The following SLC8A1 variants were observed in gnomAD, a reference collection of about 807,000 sequenced individuals.
SLC8A1 encodes the protein solute carrier family 8 member A1.
Under a neutral mutation model 68.3 loss-of-function variants are expected in SLC8A1, and 18 were observed. The observed-to-expected ratio is 0.26, with a 90% CI of 0.18 to 0.39. The LOEUF (loss-of-function observed/expected upper bound fraction) is 0.39. SLC8A1 is among the 10% of genes least tolerant of loss of function. SLC8A1 has a pLI of 1.00. For missense variants in SLC8A1, 985 were observed against 1,156.7 expected, an observed-to-expected ratio of 0.85 and a Z score of 2.15; for synonymous variants, 475 against 415.5, an observed-to-expected ratio of 1.14 and a Z score of -1.74.
intron 1 of SLC8A1, among the ~76,000 whole-genome samples, chr2:40,430,656 A>G (rs910092429): frequency 2.6e-5 from 4 of 152,232 alleles, no homozygotes; most frequent in Non-Finnish European, 5.9e-5. Flanking sequence ...ATGCATGCTA[A>G]TAGCCAAAAT....
chr2:40,340,519 C>T (rs1194380302), intron 2 of SLC8A1, among the ~76,000 whole-genome samples: 3 of 152,130 alleles, frequency 2.0e-5, no homozygotes, highest in South Asian at 2.1e-4. Flanking sequence ...TGAGATCGTG[C>T]GACTGCACTC....
chr2:40,498,987 A>G (rs1705884946), intron 1 of SLC8A1, among the ~76,000 whole-genome samples: 5 of 152,100 alleles, frequency 3.3e-5, no homozygotes, highest in Non-Finnish European at 7.4e-5. Flanking sequence ...TTCAAAGAAA[A>G]ACCTTCAGGC....
At chr2:40,416,273 A>C (rs1198928615) in intron 2 of SLC8A1, among the ~76,000 whole-genome samples, 1 of 152,166 alleles carries the variant, frequency 6.6e-6, no homozygotes, top group Admixed American at 6.5e-5. Context: ...ATAAGACACT[A>C]AAACAAATTT....
rs1363130588 is a variant in SLC8A1 at position 40,160,726 on chromosome 2, GGCAATTTTAATTTATAATAT to G, written c.2161+19_2161+38del. The G allele has an allele frequency of 3.2e-6, 5 of 1,574,898 alleles. No individual in the cohort carries two copies. The highest frequency in any genetic ancestry group is 4.4e-6 in the Non-Finnish European group (5 of 1,144,838). On this transcript the variant is annotated intron_variant, in intron 6 of 7. Transcript: ENST00000406785. Reference sequence around the variant, plus strand: ...CAGTAGGAAAACTCAGCTCAGATTGGGCAATTTTAATTTATAATATGCAGAGAAAGGCACTCACCAGCACT... The same window carrying G: ...CAGTAGGAAAACTCAGCTCAGATTGGGCAGAGAAAGGCACTCACCAGCACT...
chr2:40,328,233 T>C (rs1053412182), intron 2 of SLC8A1, among the ~76,000 whole-genome samples: 11 of 152,202 alleles, frequency 7.2e-5, no homozygotes, highest in African/African-American at 4.8e-5. Flanking sequence ...CACTATGTGA[T>C]TAAATTTAAT....
chr2:40,329,297 T>G (rs1345345463), intron 2 of SLC8A1, among the ~76,000 whole-genome samples: 1 of 152,204 alleles, frequency 6.6e-6, no homozygotes, highest in Non-Finnish European at 1.5e-5. Flanking sequence ...TGAAGTACTA[T>G]TAACTTCCTG....
chr2:40,384,434 T>C (rs1021093474), intron 2 of SLC8A1, among the ~76,000 whole-genome samples: 1 of 152,070 alleles, frequency 6.6e-6, no homozygotes, highest in African/African-American at 2.4e-5. Flanking sequence ...CCTTGCATCA[T>C]GAATCATGGG....
At chr2:40,481,030 T>C (rs1704593417) in intron 1 of SLC8A1, among the ~76,000 whole-genome samples, 1 of 152,212 alleles carries the variant, frequency 6.6e-6, no homozygotes, top group Non-Finnish European at 1.5e-5. Flanking sequence ...AGTATATTAT[T>C]TGACCTTAGA....
At chr2:40,473,227 GA>G (rs1286886856) in intron 1 of SLC8A1, among the ~76,000 whole-genome samples, 1 of 152,112 alleles carries the variant, frequency 6.6e-6, no homozygotes, top group Non-Finnish European at 1.5e-5. Flanking sequence ...CCTGGAAAAT[GA>G]AAGACATAGA....
intron 1 of SLC8A1, among the ~76,000 whole-genome samples, chr2:40,468,768 C>T (rs1703838329): frequency 6.6e-6 from 1 of 152,104 alleles, no homozygotes; most frequent in Admixed American, 6.5e-5. Flanking sequence ...CACCCTTCAC[C>T]TTCGATGACT....
chr2:40,237,092 C>G (rs2060496735), intron 2 of SLC8A1, among the ~76,000 whole-genome samples: 2 of 151,574 alleles, frequency 1.3e-5, no homozygotes, highest in Non-Finnish European at 2.9e-5. Flanking sequence ...CTTGGAGTTG[C>G]TCTTCTCGAG....
chr2:40,211,193 A>G (rs1447069722), intron 2 of SLC8A1, among the ~76,000 whole-genome samples: 1 of 152,170 alleles, frequency 6.6e-6, no homozygotes, highest in Non-Finnish European at 1.5e-5. Context: ...CTTCCTTTTA[A>G]TTATTTTACT....
intron 2 of SLC8A1, among the ~76,000 whole-genome samples, chr2:40,233,472 G>C (rs1388523978): frequency 1.4e-5 from 2 of 144,332 alleles, no homozygotes; most frequent in Non-Finnish European, 3.1e-5. Context: ...ATTTGTTTGA[G>C]TTCATTGTAG....
rs926740252 is a variant in SLC8A1 at position 40,316,504 on chromosome 2, A to G, written c.1808+111969T>C. On this transcript the variant is annotated intron_variant, in intron 2 of 7. Coordinates refer to ENST00000406785, the Ensembl canonical transcript of SLC8A1. ...TAAAAAGTCCACTTGGTTCATTATA[A>G]ATATTAAAATTAGGAACATGTGTTC... Among the ~76,000 whole-genome samples the G allele has an allele frequency of 2.7e-5, 4 of 150,782 alleles. No individual in the cohort carries two copies. The South Asian group carries it at 8.3e-4, about 31-fold the overall frequency.
At chr2:40,485,129 A>G (rs1704876840) in intron 1 of SLC8A1, among the ~76,000 whole-genome samples, 1 of 152,096 alleles carries the variant, frequency 6.6e-6, no homozygotes, top group Non-Finnish European at 1.5e-5. Flanking sequence ...GAGGAGGAGG[A>G]GTAGAAGCAG....
At chr2:40,133,664 C>T (rs2039876388) in intron 7 of SLC8A1, among the ~76,000 whole-genome samples, 1 of 150,542 alleles carries the variant, frequency 6.6e-6, no homozygotes, top group East Asian at 2.0e-4. Context: ...CCAAGACGCG[C>T]AGAGAAAGAT....
chr2:40,218,344 G>A (rs1476676212), intron 2 of SLC8A1, among the ~76,000 whole-genome samples: 1 of 152,068 alleles, frequency 6.6e-6, no homozygotes, highest in Non-Finnish European at 1.5e-5. Flanking sequence ...AATAAATTAG[G>A]CACAGAATTT....
At chr2:40,457,107 G>A (rs1024636906) in intron 1 of SLC8A1, among the ~76,000 whole-genome samples, 6 of 152,022 alleles carry the variant, frequency 3.9e-5, no homozygotes, top group Admixed American at 1.3e-4. Flanking sequence ...GTCATTTTAC[G>A]CAAATCCTGC....
At chr2:40,498,356 T>A (rs1476038842) in intron 1 of SLC8A1, among the ~76,000 whole-genome samples, 1 of 152,094 alleles carries the variant, frequency 6.6e-6, no homozygotes, top group Non-Finnish European at 1.5e-5. Context: ...TATGCCAATG[T>A]ATTAAAGCTT....
Sources: gnomAD v4.1 joint callset for allele counts (sites outside exome capture counted in the v4.1 genomes callset) on GRCh38, gnomAD v4.1.1 for gene constraint, MANE v1.5 for transcripts, NCBI Gene and HGNC (gene_info 2026-07-23, HGNC 2026-07-21) for gene names.